The following ITGBL1 variants were observed in gnomAD, a reference collection of about 807,000 sequenced individuals.
ITGBL1 encodes the protein integrin beta-like protein 1.
In ITGBL1, 51 loss-of-function variants were observed where a neutral mutation model predicts 68.5. That is an observed-to-expected ratio of 0.74 (90% CI 0.59 to 0.94). The LOEUF (loss-of-function observed/expected upper bound fraction) is 0.94. Among genes scored for constraint, ITGBL1 ranks in the 40% least tolerant of loss-of-function variants. ITGBL1 has a pLI of 0.00. For missense variants in ITGBL1, 649 were observed against 647.4 expected, an observed-to-expected ratio of 1.00 and a Z score of -0.03; for synonymous variants, 209 against 227.3, an observed-to-expected ratio of 0.92 and a Z score of 0.72.
chr13:101,572,427 G>A (rs751624421), intron 3 of ITGBL1, among the ~76,000 whole-genome samples: 24 of 152,106 alleles, frequency 1.6e-4, no homozygotes, highest in Non-Finnish European at 3.2e-4. Context: ...CGGCACCACT[G>A]TACAGGAGTG....
At chr13:101,611,922 G>A (rs1419821283) in intron 7 of ITGBL1, among the ~76,000 whole-genome samples, 1 of 152,066 alleles carries the variant, frequency 6.6e-6, no homozygotes, top group Non-Finnish European at 1.5e-5. Context: ...GACTAACTAC[G>A]TCTCATGAGA....
intron 5 of ITGBL1, among the ~76,000 whole-genome samples, chr13:101,580,282 C>T (rs986724861): frequency 2.0e-5 from 3 of 152,070 alleles, no homozygotes; most frequent in African/African-American, 7.2e-5. Context: ...TAGCATACCA[C>T]CTGTCAGAAA....
chr13:101,621,358 T>G (rs868005692), intron 7 of ITGBL1, among the ~76,000 whole-genome samples: 1 of 152,126 alleles, frequency 6.6e-6, no homozygotes, highest in Non-Finnish European at 1.5e-5. Flanking sequence ...TTTCTGTTTA[T>G]TTGTCATACA....
intron 8 of ITGBL1, among the ~76,000 whole-genome samples, chr13:101,705,306 A>C (rs1009384588): frequency 8.7e-5 from 13 of 149,024 alleles, no homozygotes; most frequent in African/African-American, 3.3e-4. Flanking sequence ...AAAAAAAAAA[A>C]AAACAACAAC....
intron 2 of ITGBL1, among the ~76,000 whole-genome samples, chr13:101,461,621 G>A (rs1046603843): frequency 6.6e-6 from 1 of 152,080 alleles, no homozygotes; most frequent in Non-Finnish European, 1.5e-5. Context: ...TTTGAGCATG[G>A]GAGATTGAGG....
At chr13:101,638,628 G>T (rs35083460) in intron 7 of ITGBL1, among the ~76,000 whole-genome samples, 2,036 of 152,068 alleles carry the variant, frequency 0.013, 27 homozygotes, top group African/African-American at 0.033. Context: ...AGAATCAAGC[G>T]AAAGGGATTT....
chr13:101,509,632 A>T (rs1475540603), intron 2 of ITGBL1, among the ~76,000 whole-genome samples: 1 of 152,098 alleles, frequency 6.6e-6, no homozygotes, highest in Admixed American at 6.6e-5. Flanking sequence ...CTAATTTCAG[A>T]TTTGAAACTG....
intron 7 of ITGBL1, among the ~76,000 whole-genome samples, chr13:101,665,924 A>G (rs1184597313): frequency 6.6e-6 from 1 of 152,140 alleles, no homozygotes; most frequent in African/African-American, 2.4e-5. Flanking sequence ...CTGCCTGCCT[A>G]ACCTTGGACG....
chr13:101,479,169 C>A (rs188397773), intron 2 of ITGBL1, among the ~76,000 whole-genome samples: 1 of 147,022 alleles, frequency 6.8e-6, no homozygotes, highest in African/African-American at 2.4e-5. Context: ...TCTACAGTGA[C>A]CTCATTTTTT....
At chr13:101,601,024 T>A (rs538119062) in intron 7 of ITGBL1, among the ~76,000 whole-genome samples, 331 of 152,348 alleles carry the variant, frequency 2.2e-3, no homozygotes, top group Non-Finnish European at 3.5e-3. Flanking sequence ...TACCAGCTCC[T>A]CCTTGTACCT....
At chr13:101,548,763 A>G (rs2049870642) in intron 2 of ITGBL1, among the ~76,000 whole-genome samples, 1 of 151,864 alleles carries the variant, frequency 6.6e-6, no homozygotes, top group Admixed American at 6.6e-5. Flanking sequence ...AATTAATAAG[A>G]GAATATAGTA....
At chr13:101,461,966 T>C (rs1371498025) in intron 2 of ITGBL1, among the ~76,000 whole-genome samples, 2 of 152,186 alleles carry the variant, frequency 1.3e-5, no homozygotes, top group Non-Finnish European at 2.9e-5. Context: ...TGTTCTTTTC[T>C]GAAGACTCTA....
chr13:101,592,761 A>G (rs2050676850), intron 6 of ITGBL1, among the ~76,000 whole-genome samples: 1 of 152,150 alleles, frequency 6.6e-6, no homozygotes, highest in Admixed American at 6.5e-5. Context: ...ACTTCTCATG[A>G]TATACAAAAA....
intron 2 of ITGBL1, among the ~76,000 whole-genome samples, chr13:101,531,597 T>C (rs2049476776): frequency 7.3e-6 from 1 of 136,442 alleles, no homozygotes; most frequent in African/African-American, 2.6e-5. Context: ...GATTACTTCA[T>C]AGCGTATTTT....
At chr13:101,514,972 C>G (rs1311410159) in intron 2 of ITGBL1, among the ~76,000 whole-genome samples, 9 of 152,106 alleles carry the variant, frequency 5.9e-5, no homozygotes, top group Non-Finnish European at 2.9e-5. Flanking sequence ...ACATAAAGTT[C>G]ACCATCAAAT....
chr13:101,453,382 T>A (rs187879399), intron 1 of ITGBL1, among the ~76,000 whole-genome samples: 1 of 152,338 alleles, frequency 6.6e-6, no homozygotes, highest in East Asian at 1.9e-4. Context: ...GACTGCTTAA[T>A]GCAAATTATG....
At chr13:101,720,566 ATATGTGTGTG>A (rs2034907031), downstream of ITGBL1, 1 of 125,770 alleles carries the variant, frequency 8.0e-6, no homozygotes, top group South Asian at 2.3e-4. Flanking sequence ...GTGTGTGTGT[ATATGTGTGTG>A]TTTGTGTGAA....
intron 2 of ITGBL1, among the ~76,000 whole-genome samples, chr13:101,545,954 AT>A (rs1469016814): frequency 6.6e-6 from 1 of 152,224 alleles, no homozygotes; most frequent in Non-Finnish European, 1.5e-5. Context: ...ATAAAGAATA[AT>A]TTTTTAAAAT....
chr13:101,459,398 A>G (rs558926967), intron 2 of ITGBL1, among the ~76,000 whole-genome samples: 105 of 152,180 alleles, frequency 6.9e-4, no homozygotes, highest in Non-Finnish European at 1.3e-3. Context: ...GTATGTATAA[A>G]TTTATTTAAT....
Sources: gnomAD v4.1 joint callset for allele counts (sites outside exome capture counted in the v4.1 genomes callset) on GRCh38, gnomAD v4.1.1 for gene constraint, MANE v1.5 for transcripts, NCBI Gene and HGNC (gene_info 2026-07-23, HGNC 2026-07-21) for gene names.